Variants in FASTKD5 observed in about 807,000 individuals in gnomAD.
FASTKD5 encodes the protein FAST kinase domains 5, also known as non-canonical pre-mRNAs endonuclease FASTKD5, mitochondrial.
A neutral mutation model predicts 44.0 loss-of-function variants in FASTKD5; 30 were observed. The observed-to-expected ratio is 0.68, with a 90% CI of 0.51 to 0.93. The LOEUF (loss-of-function observed/expected upper bound fraction) is 0.93. Ranked by LOEUF, FASTKD5 falls within the 40% of genes least tolerant of loss-of-function variation. The pLI, the probability that FASTKD5 is intolerant of heterozygous loss-of-function variation, is 0.00. For missense variants in FASTKD5, 868 were observed against 908.2 expected, an observed-to-expected ratio of 0.96 and a Z score of 0.57; for synonymous variants, 335 against 342.2, an observed-to-expected ratio of 0.98 and a Z score of 0.23.
intron 1 of FASTKD5, among the ~76,000 whole-genome samples, chr20:3,157,561 A>AG (rs2122135705): frequency 6.6e-6 from 1 of 152,370 alleles, no homozygotes; most frequent in South Asian, 2.1e-4. Context: ...AGTATGACTA[A>AG]GCCCTGTAGA....
At chr20:3,156,877 A>C (rs1181011119) in intron 1 of FASTKD5, 1 of 152,152 alleles carries the variant, frequency 6.6e-6, no homozygotes, top group Non-Finnish European at 1.5e-5. Flanking sequence ...TTTCCTTTCT[A>C]TGTCCCAATA....
intron 1 of FASTKD5, among the ~76,000 whole-genome samples, chr20:3,158,555 A>C (rs537768948): frequency 1.3e-5 from 2 of 151,664 alleles, no homozygotes; most frequent in Non-Finnish European, 2.9e-5. Context: ...CTCACTGCAC[A>C]CTCCGCCTCC....
chr20:3,148,141 TA>T lies in FASTKD5; in HGVS notation c.929del (p.Ile310LysfsTer3). The T allele has an allele frequency of 2.5e-6, 4 of 1,613,842 alleles. No individual in the cohort carries two copies. Among genetic ancestry groups the T allele is most frequent in the Non-Finnish European group, 3.4e-6 (4 of 1,179,962 alleles). ...QKLESLILKY[I>X]DLINLEEVGT... Reference sequence around the variant, plus strand: ...CAACCTCCTCCAAATTGATCAAATCTATATATTTAAGGATCAATGATTCCAA... The same window carrying T: ...CAACCTCCTCCAAATTGATCAAATCTTATATTTAAGGATCAATGATTCCAA... On this transcript the variant is annotated frameshift_variant, in exon 2 of 2. Transcript: ENST00000380266. LOFTEE classifies it high-confidence loss of function.
At chr20:3,151,863 G>C (rs2066628523) in intron 1 of FASTKD5, 1 of 151,514 alleles carries the variant, frequency 6.6e-6, no homozygotes, top group Non-Finnish European at 1.5e-5. Context: ...CCAGCACTTT[G>C]AGAGGCCAAG....
At chr20:3,155,145 G>A (rs951902217) in intron 1 of FASTKD5, among the ~76,000 whole-genome samples, 1 of 152,032 alleles carries the variant, frequency 6.6e-6, no homozygotes, top group Non-Finnish European at 1.5e-5. Flanking sequence ...TGTAATCCCA[G>A]CACTTTGGGA....
chr20:3,148,896 T>A lies in FASTKD5; in HGVS notation c.175A>T (p.Ile59Leu). ...CTCCGAGAAGAGAAGGTGCTACATA[T>A]GTTCTTAACTTTTTTGGCAGAATGG... The part of the protein sequence containing the change: ...LCHSAKKVKN[I>L]CSTFSSRRIL... Residue 59 changes from isoleucine (I) to leucine (L), a missense_variant, in exon 2 of 2, where the codon ATA (isoleucine) becomes TTA (leucine). Physicochemically the swap from Ile to Leu is conservative, Grantham distance 5. Coordinates refer to ENST00000380266, the MANE Select transcript of FASTKD5 (RefSeq NM_021826.5). The A allele has an allele frequency of 6.2e-7, 1 of 1,614,222 alleles. No individual in the cohort carries two copies. Among genetic ancestry groups the A allele is most frequent in the East Asian group, 2.2e-5 (1 of 44,894 alleles).
At chr20:3,157,465 C>T (rs1568485060) in intron 1 of FASTKD5, among the ~76,000 whole-genome samples, 1 of 152,204 alleles carries the variant, frequency 6.6e-6, no homozygotes, top group African/African-American at 2.4e-5. Context: ...ATTTGTGAAA[C>T]TTTTTCAGCT....
rs533354899 is a variant in FASTKD5, at chr20:3,149,425, G to A, written c.-190-165C>T. On this transcript the variant is annotated intron_variant, in intron 1 of 1. Coordinates refer to ENST00000380266, the MANE Select transcript of FASTKD5 (RefSeq NM_021826.5). The surrounding 1 kb of genome is among the most constrained non-coding windows in gnomAD (Gnocchi z 4.1). ...AGCATATATCAAGGATAAATTCTGC[G>A]GTCTGTGTAAAGGCCTAGGAAAACC... 1.6e-4 allele frequency among the ~76,000 whole-genome samples: 24 copies of A among 152,188 alleles called. No homozygotes were observed. The highest frequency in any genetic ancestry group is 7.9e-4 in the Admixed American group (12 of 15,274).
Position 3,148,563 on chromosome 20 carries a change from G to A in FASTKD5, c.508C>T (p.Leu170=), listed in dbSNP as rs145575657. 4.3e-6 allele frequency: 7 copies of A among 1,614,132 alleles called. No homozygotes were observed. In the African/African-American group the frequency reaches 6.7e-5, roughly 15 times the overall value. ...AQVIVDYLCK[L]SSLPAEQHPV... ...TGCTGCTCTGCAGGCAAAGAGCTCA[G>A]CTTACACAAATAATCAACAATGACT... The change falls in exon 2 of 2, where the codon CTG becomes TTG. Residue 170 remains leucine (L), a synonymous_variant. Transcript: ENST00000380266.
At chr20:3,154,938 AAT>A (rs2066668406) in intron 1 of FASTKD5, among the ~76,000 whole-genome samples, 1 of 151,768 alleles carries the variant, frequency 6.6e-6, no homozygotes, top group Non-Finnish European at 1.5e-5. Context: ...CTGTAATCCC[AAT>A]ATTTTGGGAG....
intron 1 of FASTKD5, among the ~76,000 whole-genome samples, chr20:3,151,350 G>A (rs1410802671): frequency 6.6e-6 from 1 of 152,174 alleles, no homozygotes; most frequent in Non-Finnish European, 1.5e-5. Context: ...ATTATATATT[G>A]TCTATGTCTG....
intron 1 of FASTKD5, among the ~76,000 whole-genome samples, chr20:3,158,885 A>T (rs2066717511): frequency 6.6e-6 from 1 of 152,206 alleles, no homozygotes; most frequent in South Asian, 2.1e-4. Flanking sequence ...CATTCTTACT[A>T]TTCACAAAGT....
chr20:3,147,243 C>T lies in FASTKD5; in HGVS notation c.1828G>A (p.Ala610Thr). The change falls in exon 2 of 2, where the codon GCT (alanine) becomes ACT (threonine). Residue 610 changes from alanine (A) to threonine (T), a missense_variant. By Grantham distance (58) the Ala-to-Thr change is moderately conservative (BLOSUM62 0). Transcript: ENST00000380266. Reference sequence around the variant, plus strand: ...AGCCTTAATTTGGCTACATTTTCAGCCGGCGTGGCTTCTCTATTAAATGGT... The same window carrying T: ...AGCCTTAATTTGGCTACATTTTCAGTCGGCGTGGCTTCTCTATTAAATGGT... The part of the protein sequence containing the change: ...PLPFNREATP[A>T]ENVAKLRLEH... The T allele has an allele frequency of 6.2e-7, 1 of 1,614,168 alleles. No individual in the cohort carries two copies. Among genetic ancestry groups the T allele is most frequent in the Non-Finnish European group, 8.5e-7 (1 of 1,180,032 alleles).
intron 1 of FASTKD5, among the ~76,000 whole-genome samples, chr20:3,154,925 C>T (rs1011749778): frequency 1.3e-5 from 2 of 151,390 alleles, no homozygotes; most frequent in Non-Finnish European, 2.9e-5. Context: ...TGGTGGCTCA[C>T]AACTGTAATC....
At chr20:3,152,445 T>G (rs1032091734) in intron 1 of FASTKD5, among the ~76,000 whole-genome samples, 67 of 151,820 alleles carry the variant, frequency 4.4e-4, no homozygotes, top group Non-Finnish European at 7.4e-4. Flanking sequence ...GAGGTTGCAG[T>G]GAGCTGAGAT....
chr20:3,148,859 G>T lies in FASTKD5; in HGVS notation c.212C>A (p.Thr71Asn). 1.2e-6 allele frequency: 2 copies of T among 1,614,222 alleles called. No homozygotes were observed. The highest frequency in any genetic ancestry group is 1.7e-6 in the Non-Finnish European group (2 of 1,180,052). ...TTCCAAACCTGGGTGGGCACTGCTG[G>T]TTGTCAGGATTCTCCGAGAAGAGAA... ...STFSSRRILT[T>N]SSAHPGLEFS... The change falls in exon 2 of 2, where the codon ACC (threonine) becomes AAC (asparagine). Residue 71 changes from threonine (T) to asparagine (N), a missense_variant. Physicochemically the swap from Thr to Asn is moderately conservative, Grantham distance 65 (BLOSUM62 0). Coordinates refer to ENST00000380266, the MANE Select transcript of FASTKD5 (RefSeq NM_021826.5).
chr20:3,152,620 G>A (rs1367467211), intron 1 of FASTKD5, among the ~76,000 whole-genome samples: 1 of 152,092 alleles, frequency 6.6e-6, no homozygotes, highest in Non-Finnish European at 1.5e-5. Context: ...TGAGGAAGGA[G>A]ATCCTGGCCA....
intron 1 of FASTKD5, among the ~76,000 whole-genome samples, chr20:3,158,236 G>T (rs1001633147): frequency 6.6e-6 from 1 of 152,042 alleles, no homozygotes; most frequent in Non-Finnish European, 1.5e-5. Flanking sequence ...CTCCCAAAGT[G>T]CTGGGATTAC....
At chr20:3,152,100 C>CA (rs60655157) in intron 1 of FASTKD5, among the ~76,000 whole-genome samples, 1,009 of 62,274 alleles carry the variant, frequency 0.016, 21 homozygotes, top group East Asian at 0.073. Context: ...GACTCTGTCT[C>CA]AAAAAAAAAA....
Sources: gnomAD v4.1 joint callset for allele counts (sites outside exome capture counted in the v4.1 genomes callset) on GRCh38, gnomAD v4.1.1 for gene constraint, Gnocchi (gnomAD v3.1) non-coding constraint, MANE v1.5 for transcripts, NCBI Gene and HGNC (gene_info 2026-07-23, HGNC 2026-07-21) for gene names.